The following PLEKHA7 variants were observed in gnomAD, a reference collection of about 807,000 sequenced individuals.
PLEKHA7 encodes pleckstrin homology domain-containing family A member 7.
A neutral mutation model predicts 170.0 loss-of-function variants in PLEKHA7; 104 were observed. The observed-to-expected ratio is 0.61, with a 90% CI of 0.52 to 0.72. The LOEUF is 0.72. Ranked by LOEUF, PLEKHA7 falls within the 30% of genes least tolerant of loss-of-function variation. The pLI, the probability that PLEKHA7 is intolerant of heterozygous loss-of-function variation, is 0.00. For missense variants in PLEKHA7, 1,615 were observed against 1,671.7 expected, an observed-to-expected ratio of 0.97 and a Z score of 0.59; for synonymous variants, 648 against 660.8, an observed-to-expected ratio of 0.98 and a Z score of 0.30.
intron 3 of PLEKHA7, among the ~76,000 whole-genome samples, chr11:16,991,581 G>A (rs965252887): frequency 6.6e-6 from 1 of 152,190 alleles, no homozygotes; most frequent in African/African-American, 2.4e-5. Flanking sequence ...GGGGACAGCA[G>A]TGCAAAGGCC....
intron 3 of PLEKHA7, among the ~76,000 whole-genome samples, chr11:16,952,601 T>G (rs1432528194): frequency 6.6e-6 from 1 of 152,192 alleles, no homozygotes; most frequent in Non-Finnish European, 1.5e-5. Context: ...CAGACTTTCG[T>G]CATAATACAG....
At chr11:16,892,971 C>G (rs901171559) in intron 3 of PLEKHA7, among the ~76,000 whole-genome samples, 2 of 152,144 alleles carry the variant, frequency 1.3e-5, no homozygotes, top group Non-Finnish European at 2.9e-5. Context: ...AAGGTGTAAA[C>G]AAGTTCCCTA....
intron 3 of PLEKHA7, among the ~76,000 whole-genome samples, chr11:16,988,768 G>C (rs1448821341): frequency 6.6e-6 from 1 of 152,184 alleles, no homozygotes; most frequent in African/African-American, 2.4e-5. Flanking sequence ...GATTACCTCT[G>C]ATGATAGTGA....
chr11:17,008,057 T>A (rs1190457344), intron 3 of PLEKHA7, among the ~76,000 whole-genome samples: 3 of 152,264 alleles, frequency 2.0e-5, no homozygotes, highest in African/African-American at 4.8e-5. Flanking sequence ...TAGGACCTGC[T>A]TCAGGTCCTA....
At chr11:16,882,860 T>TCACACACACACACACACACA (rs768102944) in intron 3 of PLEKHA7, among the ~76,000 whole-genome samples, 4 of 151,724 alleles carry the variant, frequency 2.6e-5, no homozygotes, top group African/African-American at 9.7e-5. Flanking sequence ...ATACACATAT[T>TCACACACACACACACACACA]CACACACACA....
chr11:16,967,956 T>C (rs917495690), intron 3 of PLEKHA7, among the ~76,000 whole-genome samples: 1 of 152,044 alleles, frequency 6.6e-6, no homozygotes, highest in Non-Finnish European at 1.5e-5. Flanking sequence ...CCATTCTCCC[T>C]TGGCATGGAA....
chr11:16,849,692 C>CT (rs2135396475), intron 8 of PLEKHA7, among the ~76,000 whole-genome samples: 1 of 152,326 alleles, frequency 6.6e-6, no homozygotes, highest in Non-Finnish European at 1.5e-5. Flanking sequence ...AGCTTTGTGA[C>CT]TTTGGGCAAG....
chr11:17,011,216 C>T (rs1268063647), intron 3 of PLEKHA7, among the ~76,000 whole-genome samples: 1 of 152,174 alleles, frequency 6.6e-6, no homozygotes, highest in Non-Finnish European at 1.5e-5. Context: ...CTTCCTCCCG[C>T]CAAATGAATG....
At chr11:16,913,521 G>A (rs1172757817) in intron 3 of PLEKHA7, among the ~76,000 whole-genome samples, 1 of 152,234 alleles carries the variant, frequency 6.6e-6, no homozygotes, top group African/African-American at 2.4e-5. Context: ...TCACGGGAGA[G>A]AGGTGAACAA....
At position 16,803,207 on chromosome 11, in the gene PLEKHA7, G is replaced by T; in HGVS notation, c.2076+20C>A. The T allele has an allele frequency of 1.9e-6, 3 of 1,609,900 alleles. No homozygotes were observed. The highest frequency in any genetic ancestry group is 1.7e-4 in the Middle Eastern group (1 of 6,058). ...GTCAGGAGGCAGCTGAGGGGTCAGC[G>T]TGTCACTCTGCTCACTCACGTCAGT... On this transcript the variant is annotated intron_variant, in intron 14 of 26. Transcript: ENST00000531066.
Position 16,907,043 on chromosome 11 carries a change from G to A in PLEKHA7, c.222-35861C>T, listed in dbSNP as rs541278280. On this transcript the variant is annotated intron_variant, in intron 3 of 26. Transcript: ENST00000531066. Reference sequence around the variant, plus strand: ...CGTCTGAGAAGTGAGGAGCCCCTCTGCCCGGCAGCCACTCCGTCTGGGAAG... The same window carrying A: ...CGTCTGAGAAGTGAGGAGCCCCTCTACCCGGCAGCCACTCCGTCTGGGAAG... 3.9e-3 allele frequency among the ~76,000 whole-genome samples: 576 copies of A among 146,716 alleles called. 12 individuals carry two copies. The East Asian group carries it at 0.069, about 18-fold the overall frequency.
In PLEKHA7 at chr11:16,801,722, C is replaced by A; in HGVS notation, c.2253G>T (p.Lys751Asn). The change falls in exon 16 of 27, where the codon AAG becomes AAT. Residue 751 changes from lysine (K) to asparagine (N), a missense_variant. By Grantham distance (94) the Lys-to-Asn change is moderately conservative. Coordinates refer to ENST00000531066, the MANE Select transcript of PLEKHA7 (RefSeq NM_001329630.2). ...TATGGACAAGGTCCTCCTGCAGCAA[C>A]TTCTGCTGGTAGGCAATCTTCTCCA... ...QHLEKIAYQQKLLQEDLVHIR... is the reference protein window; with the variant it reads ...QHLEKIAYQQNLLQEDLVHIR... 1 of 1,614,186 alleles carries A rather than the reference C, an allele frequency of 6.2e-7. No individual in the cohort carries two copies. Among genetic ancestry groups the A allele is most frequent in the Non-Finnish European group, 8.5e-7 (1 of 1,180,014 alleles).
intron 3 of PLEKHA7, among the ~76,000 whole-genome samples, chr11:16,989,552 C>T (rs2136937064): frequency 6.6e-6 from 1 of 152,318 alleles, no homozygotes; most frequent in East Asian, 1.9e-4. Context: ...ACCGTAAGTT[C>T]CACACCACAG....
chr11:16,887,864 G>A (rs1324266462), intron 3 of PLEKHA7, among the ~76,000 whole-genome samples: 2 of 151,846 alleles, frequency 1.3e-5, no homozygotes, highest in South Asian at 4.2e-4. Context: ...CATCATCTGG[G>A]ATGTGAGGAG....
chr11:16,873,349 A>G (rs912748362), intron 3 of PLEKHA7, among the ~76,000 whole-genome samples: 7 of 152,188 alleles, frequency 4.6e-5, no homozygotes, highest in African/African-American at 1.7e-4. Flanking sequence ...TGAAGGTTAG[A>G]GCAGCCTGAA....
At chr11:16,991,118 C>G (rs1864018871) in intron 3 of PLEKHA7, among the ~76,000 whole-genome samples, 1 of 152,132 alleles carries the variant, frequency 6.6e-6, no homozygotes. Context: ...GAGCCCTCAG[C>G]CGGAGTACCC....
intron 10 of PLEKHA7, among the ~76,000 whole-genome samples, chr11:16,823,823 T>C (rs1367046239): frequency 1.3e-5 from 2 of 152,202 alleles, no homozygotes; most frequent in Admixed American, 6.5e-5. Context: ...ATTGTAGCAT[T>C]ATTCACAATA....
At position 16,946,447 on chromosome 11, in the gene PLEKHA7, G is replaced by C. The variant is rs150530931; in HGVS notation, c.221+67542C>G. 6.2e-3 allele frequency among the ~76,000 whole-genome samples: 948 copies of C among 152,246 alleles called. 1 individual carries two copies. Among genetic ancestry groups the C allele is most frequent in the Admixed American group, 0.015 (226 of 15,292 alleles). On this transcript the variant is annotated intron_variant, in intron 3 of 26. Transcript: ENST00000531066. ...ATACCAACCTTAAAGTGGAGGGGAGGGGGGGACTTTGAAATTGGTCACAGA... is the reference window on the plus strand; with the variant it reads ...ATACCAACCTTAAAGTGGAGGGGAGCGGGGGACTTTGAAATTGGTCACAGA...
chr11:16,844,830 C>CTT (rs1852257072), intron 8 of PLEKHA7, among the ~76,000 whole-genome samples: 1 of 152,146 alleles, frequency 6.6e-6, no homozygotes, highest in African/African-American at 2.4e-5. Context: ...GAGGAGCACC[C>CTT]AAAAGGCCAG....
Sources: gnomAD v4.1 joint callset for allele counts (sites outside exome capture counted in the v4.1 genomes callset) on GRCh38, gnomAD v4.1.1 for gene constraint, MANE v1.5 for transcripts, NCBI Gene and HGNC (gene_info 2026-07-23, HGNC 2026-07-21) for gene names.